AUTS2: variants seen among roughly 807,000 people sequenced by gnomAD.
AUTS2 encodes activator of transcription and developmental regulator AUTS2.
A neutral mutation model predicts 112.4 loss-of-function variants in AUTS2; 17 were observed. That is an observed-to-expected ratio of 0.15 (90% CI 0.10 to 0.23). The LOEUF (loss-of-function observed/expected upper bound fraction) is 0.23, where lower values mean the gene tolerates loss of function less well. AUTS2 is among the 10% of genes least tolerant of loss of function. The probability of loss-of-function intolerance (pLI) is 1.00; values close to 1 mark genes in which losing one functional copy is unlikely to be tolerated. For missense variants in AUTS2, 1,510 were observed against 1,701.6 expected (o/e 0.89, Z 1.98); for synonymous variants, 751 against 702.7 (o/e 1.07, Z -1.09).
At chr7:70,057,970 G>A (rs889705732) in intron 2 of AUTS2, among the ~76,000 whole-genome samples, 7 of 152,174 alleles carry the variant, frequency 4.6e-5, no homozygotes, top group Non-Finnish European at 1.0e-4. Context: ...TATGTATATG[G>A]TAAGGGGGTG....
chr7:70,286,654 C>G (rs1788474221), intron 4 of AUTS2, among the ~76,000 whole-genome samples: 1 of 152,128 alleles, frequency 6.6e-6, no homozygotes, highest in South Asian at 2.1e-4. Context: ...TGATACTTGT[C>G]TTTAAAATGT....
At chr7:70,738,294 C>A (rs373620853) in intron 6 of AUTS2, among the ~76,000 whole-genome samples, 1 of 152,128 alleles carries the variant, frequency 6.6e-6, no homozygotes, top group East Asian at 1.9e-4. Context: ...TGATTCTCTC[C>A]AATTGGCCAG....
intron 14 of AUTS2, among the ~76,000 whole-genome samples, chr7:70,777,960 G>A (rs1191391423): frequency 2.6e-5 from 4 of 152,182 alleles, no homozygotes; most frequent in Non-Finnish European, 5.9e-5. Flanking sequence ...ATATGAAGAT[G>A]ATGCCGCTGA....
intron 2 of AUTS2, among the ~76,000 whole-genome samples, chr7:70,053,038 A>G (rs750407296): frequency 1.2e-4 from 19 of 152,218 alleles, no homozygotes; most frequent in African/African-American, 4.1e-4. Context: ...AGGCTGTGCT[A>G]TTTGCTTCAA....
rs1181479809 is a variant in AUTS2, at chr7:70,468,983, C to T, written c.690+33202C>T. Reference sequence around the variant, plus strand: ...TCTACAGTTTCGTCACGGGACTCTGCCCTATATAAAATAATCGTCAGTAGT... The same window carrying T: ...TCTACAGTTTCGTCACGGGACTCTGTCCTATATAAAATAATCGTCAGTAGT... On this transcript the variant is annotated intron_variant, in intron 5 of 18. Transcript: ENST00000342771. Among the ~76,000 whole-genome samples, 6 of 152,260 alleles carry T rather than the reference C, an allele frequency of 3.9e-5. No homozygotes were observed. The East Asian group carries it at 1.2e-3, about 29-fold the overall frequency.
intron 4 of AUTS2, among the ~76,000 whole-genome samples, chr7:70,259,570 C>T (rs777472486): frequency 3.3e-5 from 5 of 152,172 alleles, no homozygotes; most frequent in South Asian, 2.1e-4. Context: ...CTGTTGATGC[C>T]CATGCCAGGG....
chr7:70,356,737 A>G (rs1339962527), intron 4 of AUTS2, among the ~76,000 whole-genome samples: 3 of 146,482 alleles, frequency 2.0e-5, no homozygotes, highest in Admixed American at 1.4e-4. Context: ...AAAGGACCCT[A>G]GTGAGTTTTG....
chr7:70,290,432 A>T, intron 4 of AUTS2: 2 of 1,543,348 alleles, frequency 1.3e-6, no homozygotes, highest in Non-Finnish European at 1.7e-6. Flanking sequence ...ATGAAGAGGG[A>T]TGTCAGCAAC....
chr7:70,431,546 C>T (rs995964679), intron 4 of AUTS2, among the ~76,000 whole-genome samples: 1 of 152,118 alleles, frequency 6.6e-6, no homozygotes, highest in African/African-American at 2.4e-5. Flanking sequence ...CCACCACGCC[C>T]GGCTAATTTT....
chr7:70,373,919 T>C (rs1207928937), intron 4 of AUTS2, among the ~76,000 whole-genome samples: 2 of 152,116 alleles, frequency 1.3e-5, no homozygotes, highest in Admixed American at 1.3e-4. Flanking sequence ...AAACATTACA[T>C]CACAAGCATA....
intron 2 of AUTS2, among the ~76,000 whole-genome samples, chr7:70,070,154 A>G (rs775821302): frequency 5.9e-5 from 9 of 152,132 alleles, no homozygotes; most frequent in Non-Finnish European, 1.2e-4. Flanking sequence ...GGGCCTCCCA[A>G]TAGCCATTTG....
At chr7:69,897,676 G>C (rs933689842) in intron 1 of AUTS2, among the ~76,000 whole-genome samples, 1 of 152,104 alleles carries the variant, frequency 6.6e-6, no homozygotes, top group African/African-American at 2.4e-5. Context: ...GGAATCGCTT[G>C]AACTGGGGAG....
intron 5 of AUTS2, among the ~76,000 whole-genome samples, chr7:70,534,051 G>A (rs1800205828): frequency 6.6e-6 from 1 of 152,218 alleles, no homozygotes; most frequent in Admixed American, 6.5e-5. Context: ...AGCCTTCTGG[G>A]TTGAATATTT....
chr7:70,037,854 A>T (rs1050136399), intron 2 of AUTS2, among the ~76,000 whole-genome samples: 5 of 152,158 alleles, frequency 3.3e-5, no homozygotes, highest in African/African-American at 1.2e-4. Context: ...AATGTTGAGT[A>T]TAAAACCTGG....
At chr7:70,135,153 C>T (rs1056709469) in intron 4 of AUTS2, among the ~76,000 whole-genome samples, 55 of 152,164 alleles carry the variant, frequency 3.6e-4, no homozygotes, top group African/African-American at 1.2e-3. Context: ...GGAAAGATGG[C>T]AGTGAGGTGA....
chr7:70,632,458 C>T (rs1297137698), intron 5 of AUTS2, among the ~76,000 whole-genome samples: 1 of 151,886 alleles, frequency 6.6e-6, no homozygotes, highest in Non-Finnish European at 1.5e-5. Flanking sequence ...GGCTTCTTCA[C>T]TTTGCTCTCT....
intron 1 of AUTS2, among the ~76,000 whole-genome samples, chr7:69,702,239 G>A (rs1797848599): frequency 6.6e-6 from 1 of 152,096 alleles, no homozygotes; most frequent in Non-Finnish European, 1.5e-5. Context: ...ATTCATAGAG[G>A]GAAAACCTTT....
chr7:70,164,091 GA>G (rs1808254939), intron 4 of AUTS2, among the ~76,000 whole-genome samples: 1 of 152,160 alleles, frequency 6.6e-6, no homozygotes, highest in Non-Finnish European at 1.5e-5. Flanking sequence ...CCTGAACACT[GA>G]GAAAACCTTT....
At chr7:70,547,281 G>A (rs1800827402) in intron 5 of AUTS2, among the ~76,000 whole-genome samples, 1 of 152,190 alleles carries the variant, frequency 6.6e-6, no homozygotes, top group Non-Finnish European at 1.5e-5. Flanking sequence ...GGGAGACTGA[G>A]TCTTGCTCAG....
Sources: gnomAD v4.1 joint callset for allele counts (sites outside exome capture counted in the v4.1 genomes callset) on GRCh38, gnomAD v4.1.1 for gene constraint, MANE v1.5 for transcripts, NCBI Gene and HGNC (gene_info 2026-07-23, HGNC 2026-07-21) for gene names.